NID1: variants seen among roughly 807,000 people sequenced by gnomAD.
NID1 encodes the protein nidogen-1.
A neutral mutation model predicts 130.6 loss-of-function variants in NID1; 76 were observed. The ratio of observed to expected loss-of-function variants is 0.58; its 90% CI spans 0.48 to 0.70. The LOEUF (loss-of-function observed/expected upper bound fraction) is 0.70. Ranked by LOEUF, NID1 falls within the 30% of genes least tolerant of loss-of-function variation. NID1 has a pLI of 0.00. For synonymous variants in NID1, 665 were observed against 675.1 expected (o/e 0.98, Z 0.23); for missense variants, 1,517 against 1,664.8 (o/e 0.91, Z 1.54).
rs187537910 is a variant in NID1, at chr1:236,038,853, T to C, written c.1136-600A>G. On this transcript the variant is annotated intron_variant, in intron 4 of 19. Coordinates refer to ENST00000264187, the MANE Select transcript of NID1 (RefSeq NM_002508.3). ...TCATATATAATAAATATTACCTATG[T>C]TATATAGGTCATATATAATATATAT... 1.6e-3 allele frequency among the ~76,000 whole-genome samples: 225 copies of C among 137,006 alleles called. 11 individuals carry two copies. Among genetic ancestry groups the C allele is most frequent in the African/African-American group, 5.5e-3 (193 of 35,286 alleles). The allele number at this position is 137,006 out of a possible 152,430, so 89.9% of individuals were successfully genotyped here. A position where few individuals can be genotyped will look rare whatever the true frequency, so the allele number is the denominator to read the frequency against.
rs1445349307 is a variant in NID1, at chr1:236,042,310, C to T, written c.753-18G>A. 3.1e-6 allele frequency: 5 copies of T among 1,591,604 alleles called. No individual in the cohort carries two copies. In the Admixed American group the frequency reaches 8.4e-5, roughly 27 times the overall value. On this transcript the variant is annotated intron_variant, in intron 3 of 19. Transcript: ENST00000264187. The stretch of plus-strand genomic sequence containing the variant: ...TACTACTCCTAGGAGGAAGGACAGG[C>T]TTCTTAGAAACAGGCCAGCAACCCA...
chr1:236,020,177 T>A (rs994606461), intron 9 of NID1, among the ~76,000 whole-genome samples: 10 of 152,136 alleles, frequency 6.6e-5, no homozygotes, highest in Admixed American at 1.3e-4. Context: ...AGAAAATGAT[T>A]ATTCTTATTA....
In NID1 at chr1:236,054,927, C is replaced by T. The variant is rs190502415; in HGVS notation, c.226-5938G>A. 4.6e-3 allele frequency among the ~76,000 whole-genome samples: 704 copies of T among 152,152 alleles called. 6 individuals are homozygous for T. Among genetic ancestry groups the T allele is most frequent in the African/African-American group, 0.016 (656 of 41,508 alleles). On this transcript the variant is annotated intron_variant, in intron 1 of 19. Transcript: ENST00000264187. ...AAAGTGCTGGGATTACAGGTATGAG[C>T]CACTGTGCTCGGCCTAAAGAGTCTT... is the stretch of plus-strand genomic sequence containing the variant.
At chr1:235,986,444 AC>A (rs1409791846) in intron 14 of NID1, among the ~76,000 whole-genome samples, 7 of 146,850 alleles carry the variant, frequency 4.8e-5, no homozygotes, top group Admixed American at 1.4e-4. Flanking sequence ...AAAAAAAAAA[AC>A]CAGAAAATAT....
rs550419376 is a variant in NID1 at position 236,037,616 on chromosome 1, C to T, written c.1285+488G>A. On this transcript the variant is annotated intron_variant, in intron 5 of 19. Coordinates refer to ENST00000264187, the MANE Select transcript of NID1 (RefSeq NM_002508.3). ...AAAGCTGCAGTGAGCCAAGGTCACA[C>T]CACTGCACTCTAGCCTGGGTGACAG... Among the ~76,000 whole-genome samples, 100 of 151,568 alleles carry T rather than the reference C, an allele frequency of 6.6e-4. 1 individual carries two copies. Among genetic ancestry groups the T allele is most frequent in the East Asian group, 3.9e-4 (2 of 5,120 alleles).
intron 9 of NID1, among the ~76,000 whole-genome samples, chr1:236,023,397 G>A (rs12401457): frequency 0.19 from 29,359 of 152,056 alleles, 3,320 homozygotes; most frequent in Admixed American, 0.29. Flanking sequence ...ATATGCAATC[G>A]TTAGAATAAT....
At position 236,029,621 on chromosome 1, in the gene NID1, A is replaced by G. The variant is rs1453935876; in HGVS notation, c.1667T>C (p.Val556Ala). 2 of 1,607,198 alleles carry G rather than the reference A, an allele frequency of 1.2e-6. No individual in the cohort carries two copies. Among genetic ancestry groups the G allele is most frequent in the South Asian group, 1.1e-5 (1 of 89,870 alleles). ...LTIDTELEGR[V>A]PQIPFGSSVH... ...GGAGGAGCCGAACGGAATCTGCGGC[A>G]CGCGGCCCTCCAGCTCCGTGTCGAT... Residue 556 changes from valine (V) to alanine (A), a missense_variant, in exon 7 of 20, where the codon GTG (valine) becomes GCG (alanine). By Grantham distance (64) the Val-to-Ala change is moderately conservative. Coordinates refer to ENST00000264187, the MANE Select transcript of NID1 (RefSeq NM_002508.3).
At chr1:236,052,595 G>A (rs1156698212) in intron 1 of NID1, among the ~76,000 whole-genome samples, 1 of 152,030 alleles carries the variant, frequency 6.6e-6, no homozygotes, top group Non-Finnish European at 1.5e-5. Flanking sequence ...TTGTTATAAC[G>A]TTGATGAGAA....
chr1:236,013,562 T>G lies in NID1; in HGVS notation c.2255-2A>C. 6.2e-7 allele frequency: 1 copy of G among 1,614,118 alleles called. No homozygotes were observed. The highest frequency in any genetic ancestry group is 8.5e-7 in the Non-Finnish European group (1 of 1,180,014). ...TGATGGGGCGCTGGTCCACGACAGC[T>G]TCAGAACAAAAGGTTGATGCACAGT... On this transcript the variant is annotated splice_acceptor_variant, in intron 10 of 19. Coordinates refer to ENST00000264187, the MANE Select transcript of NID1 (RefSeq NM_002508.3). LOFTEE classifies it high-confidence loss of function.
At chr1:236,031,524 G>C (rs1659101318) in intron 6 of NID1, among the ~76,000 whole-genome samples, 1 of 152,246 alleles carries the variant, frequency 6.6e-6, no homozygotes, top group Admixed American at 6.5e-5. Flanking sequence ...CCTGGATGGA[G>C]ACCCTGCTTC....
At chr1:236,013,202 CA>C (rs2102817239) in intron 11 of NID1, among the ~76,000 whole-genome samples, 1 of 152,240 alleles carries the variant, frequency 6.6e-6, no homozygotes, top group East Asian at 1.9e-4. Flanking sequence ...TCACCTAGAA[CA>C]AAACAGTCAT....
intron 1 of NID1, among the ~76,000 whole-genome samples, chr1:236,049,962 G>A (rs1042538550): frequency 6.6e-6 from 1 of 151,532 alleles, no homozygotes; most frequent in Non-Finnish European, 1.5e-5. Flanking sequence ...CTTGAACCCA[G>A]GAAGCGGAGG....
At chr1:236,040,560 G>A (rs1659420400) in intron 4 of NID1, among the ~76,000 whole-genome samples, 1 of 152,002 alleles carries the variant, frequency 6.6e-6, no homozygotes, top group African/African-American at 2.4e-5. Context: ...GCTGCAATAA[G>A]CTTATCTAAA....
At chr1:236,053,825 T>G (rs1332148269) in intron 1 of NID1, among the ~76,000 whole-genome samples, 1 of 152,208 alleles carries the variant, frequency 6.6e-6, no homozygotes, top group Non-Finnish European at 1.5e-5. Context: ...CCCAGGTTAT[T>G]TTAGAAATAA....
intron 1 of NID1, among the ~76,000 whole-genome samples, chr1:236,049,961 A>G (rs1659715800): frequency 1.3e-5 from 2 of 151,818 alleles, no homozygotes; most frequent in East Asian, 3.9e-4. Flanking sequence ...ACTTGAACCC[A>G]GGAAGCGGAG....
At position 236,042,055 on chromosome 1, in the gene NID1, G is replaced by A. The variant is rs1207948951; in HGVS notation, c.990C>T (p.Ser330=). Residue 330 remains serine (S), a synonymous_variant, in exon 4 of 20, where the codon AGC becomes AGT. Coordinates refer to ENST00000264187, the MANE Select transcript of NID1 (RefSeq NM_002508.3). ...TAGCTGCCCGGCGCGGGGAGAGGAC[G>A]CTGGGCACACTGTATGTGTCAGCAC... ...RGGADTYSVP[S]VLSPRRAATE... 1.1e-5 allele frequency: 18 copies of A among 1,614,150 alleles called. No individual in the cohort carries two copies. Among genetic ancestry groups the A allele is most frequent in the East Asian group, 4.5e-5 (2 of 44,870 alleles).
At chr1:236,017,630 C>T (rs1470063752) in intron 9 of NID1, among the ~76,000 whole-genome samples, 3 of 152,308 alleles carry the variant, frequency 2.0e-5, no homozygotes, top group South Asian at 2.1e-4. Flanking sequence ...GTGATCCACC[C>T]GCCTTGGCCT....
chr1:236,038,144 G>A lies in NID1; in HGVS notation c.1245C>T (p.Val415=), dbSNP rs376124186. The A allele has an allele frequency of 2.5e-5, 41 of 1,609,270 alleles. No individual in the cohort carries two copies. In the Middle Eastern group the frequency reaches 1.2e-3, roughly 45 times the overall value. ...GCCTGCCATTGCCCGTATAGCCAGC[G>A]ACACAGCTGCAGCAGAAGCCCGTGG... ...DYATGFCCSC[V]AGYTGNGRQC... Residue 415 remains valine (V), a synonymous_variant, in exon 5 of 20, where the codon GTC becomes GTT. Transcript: ENST00000264187.
At chr1:236,029,014 T>C (rs575310045) in intron 7 of NID1, among the ~76,000 whole-genome samples, 1 of 152,034 alleles carries the variant, frequency 6.6e-6, no homozygotes, top group East Asian at 1.9e-4. Flanking sequence ...CCATCTCTAC[T>C]AAAAATACAA....
Sources: gnomAD v4.1 joint callset for allele counts (sites outside exome capture counted in the v4.1 genomes callset) on GRCh38, gnomAD v4.1.1 for gene constraint, MANE v1.5 for transcripts, NCBI Gene and HGNC (gene_info 2026-07-23, HGNC 2026-07-21) for gene names.